RASSF8: variants seen among roughly 807,000 people sequenced by gnomAD.
RASSF8 encodes ras association domain-containing protein 8.
In RASSF8, 22 loss-of-function variants were observed where a neutral mutation model predicts 48.5. The observed-to-expected ratio is 0.45, with a 90% CI of 0.32 to 0.65. RASSF8 has a LOEUF of 0.65. Among genes scored for constraint, RASSF8 ranks in the 30% least tolerant of loss-of-function variants. RASSF8 has a pLI of 0.03. For synonymous variants in RASSF8, 127 were observed against 171.5 expected (o/e 0.74, Z 2.03); for missense variants, 418 against 489.2 (o/e 0.85, Z 1.37).
At chr12:25,964,222 A>G (rs914812504) in intron 1 of RASSF8, among the ~76,000 whole-genome samples, 1 of 151,970 alleles carries the variant, frequency 6.6e-6, no homozygotes, top group African/African-American at 2.4e-5. Flanking sequence ...TTTTAACACC[A>G]ATAATATTTA....
At chr12:26,036,753 T>A (rs956128322) in intron 2 of RASSF8, among the ~76,000 whole-genome samples, 2 of 151,202 alleles carry the variant, frequency 1.3e-5, no homozygotes, top group African/African-American at 2.4e-5. Context: ...ACTAAAAAAA[T>A]AAAAAATAAA....
chr12:26,002,317 C>T (rs1213284601), intron 2 of RASSF8, among the ~76,000 whole-genome samples: 1 of 151,842 alleles, frequency 6.6e-6, no homozygotes, highest in African/African-American at 2.4e-5. Flanking sequence ...CCTATAATCC[C>T]AGCTAATCGA....
At chr12:25,986,381 A>G (rs1262105685) in intron 1 of RASSF8, among the ~76,000 whole-genome samples, 1 of 152,212 alleles carries the variant, frequency 6.6e-6, no homozygotes, top group African/African-American at 2.4e-5. Flanking sequence ...AGTTCACATG[A>G]CAGCAGAGCT....
At position 25,999,370 on chromosome 12, in the gene RASSF8, G is replaced by A. The variant is rs537682822; in HGVS notation, c.-109+4240G>A. On this transcript the variant is annotated intron_variant, in intron 2 of 5. Coordinates refer to ENST00000689635, the MANE Select transcript of RASSF8 (RefSeq NM_001394098.1). ...ATTTTGTAAACAACATTGAGATCAA[G>A]CTCAGCCAAAATACTAAAACAGTGA... 7.2e-5 allele frequency among the ~76,000 whole-genome samples: 11 copies of A among 152,282 alleles called. No homozygotes were observed. The East Asian group carries it at 1.9e-3, about 27-fold the overall frequency.
chr12:26,034,425 T>C (rs1592290052), intron 2 of RASSF8, among the ~76,000 whole-genome samples: 1 of 148,958 alleles, frequency 6.7e-6, no homozygotes, highest in Non-Finnish European at 1.5e-5. Flanking sequence ...AAAAAAAATC[T>C]CATGATGTTT....
chr12:26,060,887 C>T (rs1003427536), intron 3 of RASSF8, among the ~76,000 whole-genome samples: 1 of 152,126 alleles, frequency 6.6e-6, no homozygotes, highest in African/African-American at 2.4e-5. Context: ...GCATTAAATT[C>T]ATAAGAGATT....
chr12:26,058,686 A>T (rs1943671136), intron 3 of RASSF8, among the ~76,000 whole-genome samples: 1 of 152,214 alleles, frequency 6.6e-6, no homozygotes, highest in African/African-American at 2.4e-5. Context: ...CAACCTGCAA[A>T]TATATATATG....
chr12:26,066,931 T>A (rs1376121739), intron 4 of RASSF8, among the ~76,000 whole-genome samples: 1 of 152,268 alleles, frequency 6.6e-6, no homozygotes, highest in Non-Finnish European at 1.5e-5. Flanking sequence ...TCTGTAGGAC[T>A]CTGTAGTTCT....
At chr12:26,059,407 G>A (rs568649578) in intron 3 of RASSF8, among the ~76,000 whole-genome samples, 10 of 152,206 alleles carry the variant, frequency 6.6e-5, no homozygotes, top group African/African-American at 1.7e-4. Flanking sequence ...TTTAAAAATT[G>A]ATTACTTTTC....
At chr12:26,058,043 C>T (rs1013743128) in intron 3 of RASSF8, among the ~76,000 whole-genome samples, 3 of 152,194 alleles carry the variant, frequency 2.0e-5, no homozygotes. Flanking sequence ...TATGTGCTTG[C>T]CCACTTGGAC....
At chr12:26,005,923 G>T (rs146377565) in intron 2 of RASSF8, among the ~76,000 whole-genome samples, 5 of 152,314 alleles carry the variant, frequency 3.3e-5, no homozygotes, top group Non-Finnish European at 5.9e-5. Context: ...TTCTGTATCA[G>T]TTGAATGGTT....
chr12:25,996,401 A>C (rs1396950391), intron 2 of RASSF8, among the ~76,000 whole-genome samples: 2 of 152,168 alleles, frequency 1.3e-5, no homozygotes, highest in East Asian at 3.8e-4. Context: ...TTTATACATT[A>C]ATTATTTTTT....
Position 26,046,714 on chromosome 12 carries a change from T to C in RASSF8, c.-108-8522T>C, listed in dbSNP as rs147424739. ...TATATAAAACAGTCAACATTGCGTC[T>C]TTCACATAGTAAGAATTCTTGTTGC... On this transcript the variant is annotated intron_variant, in intron 2 of 5. Transcript: ENST00000689635. 1.0e-3 allele frequency among the ~76,000 whole-genome samples: 153 copies of C among 152,318 alleles called. 1 individual carries two copies. In the East Asian group the frequency reaches 0.023, roughly 23 times the overall value.
chr12:25,976,899 T>C (rs1204301098), intron 1 of RASSF8, among the ~76,000 whole-genome samples: 2 of 152,268 alleles, frequency 1.3e-5, no homozygotes, highest in Non-Finnish European at 2.9e-5. Flanking sequence ...GACCTCCTGG[T>C]TTTGCACGAA....
chr12:26,077,162 C>T, downstream of RASSF8, among the ~76,000 whole-genome samples: 1 of 152,118 alleles, frequency 6.6e-6, no homozygotes, highest in South Asian at 2.1e-4. Flanking sequence ...TGGATATTAG[C>T]CCTTTGTCAG....
chr12:25,967,162 G>C (rs1309525438), intron 1 of RASSF8, among the ~76,000 whole-genome samples: 1 of 152,212 alleles, frequency 6.6e-6, no homozygotes, highest in Admixed American at 6.5e-5. Flanking sequence ...TAAATGAAAA[G>C]CAGCTATCTC....
chr12:25,986,926 T>TTTTGTTTGTTTG (rs1555160451), intron 1 of RASSF8, among the ~76,000 whole-genome samples: 9 of 146,602 alleles, frequency 6.1e-5, no homozygotes, highest in African/African-American at 1.0e-4. Flanking sequence ...CGTTTTTTTT[T>TTTTGTTTGTTTG]TTTGTTTGTT....
intron 2 of RASSF8, among the ~76,000 whole-genome samples, chr12:26,048,725 T>G (rs1248702184): frequency 6.6e-6 from 1 of 152,030 alleles, no homozygotes; most frequent in African/African-American, 2.4e-5. Flanking sequence ...CCTTTTTGTT[T>G]TTGTTTTGTT....
In RASSF8 at chr12:26,069,518, T is replaced by C; in HGVS notation, c.*700T>C. ...TAACAGATATTTTTCATAAGCTAAA[T>C]TGTATGTATAAAACATTTGCAGTGT... On this transcript the variant is annotated 3_prime_UTR_variant, in exon 6 of 6. Transcript: ENST00000689635. The C allele has an allele frequency of 1.0e-6, 1 of 985,416 alleles. No individual in the cohort carries two copies. Among genetic ancestry groups the C allele is most frequent in the Non-Finnish European group, 1.2e-6 (1 of 829,892 alleles). The allele number at this position is 985,416 out of a possible 1,614,324, so 61.0% of individuals were successfully genotyped here.
Sources: gnomAD v4.1 joint callset for allele counts (sites outside exome capture counted in the v4.1 genomes callset) on GRCh38, gnomAD v4.1.1 for gene constraint, MANE v1.5 for transcripts, NCBI Gene and HGNC (gene_info 2026-07-23, HGNC 2026-07-21) for gene names.